Variants in TSEN2 observed in about 807,000 individuals in gnomAD.
TSEN2 encodes tRNA splicing endonuclease subunit 2.
Under a neutral mutation model 59.2 loss-of-function variants are expected in TSEN2, and 54 were observed. That is an observed-to-expected ratio of 0.91 (90% CI 0.73 to 1.14). TSEN2 has a LOEUF of 1.14. Among genes scored for constraint, TSEN2 ranks in the 50% most tolerant of loss-of-function variants. The probability of loss-of-function intolerance (pLI) is 0.00; values close to 1 mark genes in which losing one functional copy is unlikely to be tolerated. For missense variants in TSEN2, 636 were observed against 576.2 expected (o/e 1.10, Z -1.06); for synonymous variants, 195 against 198.2 (o/e 0.98, Z 0.14).
At chr3:12,497,818 A>G (rs6772384) in intron 4 of TSEN2, among the ~76,000 whole-genome samples, 3,958 of 152,200 alleles carry the variant, frequency 0.026, 177 homozygotes, top group African/African-American at 0.089. Flanking sequence ...AGTACCACAG[A>G]CTCAATGGCT....
intron 9 of TSEN2, among the ~76,000 whole-genome samples, 157 bp from the exon 10 acceptor site, chr3:12,529,604 AT>A (rs1243808436): frequency 1.3e-5 from 2 of 152,182 alleles, no homozygotes; most frequent in African/African-American, 4.8e-5. Flanking sequence ...TAAAGTATGA[AT>A]TTTTCATTAA....
intron 6 of TSEN2, among the ~76,000 whole-genome samples, chr3:12,514,372 C>A (rs1158392617): frequency 1.3e-5 from 2 of 152,138 alleles, no homozygotes. Context: ...ATTCTAAGGG[C>A]AGTGAAATCT....
intron 8 of TSEN2, among the ~76,000 whole-genome samples, chr3:12,522,430 G>T (rs1464247393): frequency 1.3e-5 from 2 of 152,148 alleles, no homozygotes; most frequent in Non-Finnish European, 2.9e-5. Context: ...CACAGAGTCA[G>T]ACTGGGCCAG....
downstream of TSEN2, among the ~76,000 whole-genome samples, chr3:12,537,207 G>A (rs2057692075): frequency 6.6e-6 from 1 of 152,046 alleles, no homozygotes; most frequent in Non-Finnish European, 1.5e-5. Flanking sequence ...GACCAGCCTG[G>A]GCAACATAGT....
intron 4 of TSEN2, among the ~76,000 whole-genome samples, chr3:12,501,487 A>G (rs78051926): frequency 0.025 from 3,736 of 152,346 alleles, 67 homozygotes; most frequent in South Asian, 0.06. Context: ...AACAGGGTAT[A>G]GACAGCTTTG....
intron 8 of TSEN2, among the ~76,000 whole-genome samples, chr3:12,519,913 G>A (rs1016391397): frequency 6.6e-6 from 1 of 152,124 alleles, no homozygotes; most frequent in Non-Finnish European, 1.5e-5. Context: ...TTGAGCACTT[G>A]CCATGTGCCA....
chr3:12,500,731 C>G lies in TSEN2; in HGVS notation c.309-2531C>G, dbSNP rs573897924. On this transcript the variant is annotated intron_variant, in intron 4 of 11. Coordinates refer to ENST00000284995, the MANE Select transcript of TSEN2 (RefSeq NM_025265.4). ...TCTTATTTAATTCTTGCTGCAACCC[C>G]AGGAGGTAGGTGCAGTTATCCCTGG... 9.2e-5 allele frequency among the ~76,000 whole-genome samples: 14 copies of G among 152,248 alleles called. No homozygotes were observed. The South Asian group carries it at 2.9e-3, about 32-fold the overall frequency.
intron 11 of TSEN2, among the ~76,000 whole-genome samples, chr3:12,532,004 C>T (rs1017046530): frequency 6.6e-6 from 1 of 152,186 alleles, no homozygotes; most frequent in Non-Finnish European, 1.5e-5. Flanking sequence ...CTTGTTCCTG[C>T]TTCTGGGCTT....
chr3:12,509,388 T>TG (rs1309213933), intron 6 of TSEN2, among the ~76,000 whole-genome samples: 6 of 152,042 alleles, frequency 3.9e-5, no homozygotes, highest in Admixed American at 1.3e-4. Flanking sequence ...TTAGTAGAGA[T>TG]GGAGTTTCGC....
chr3:12,528,551 T>C (rs299631), intron 8 of TSEN2, among the ~76,000 whole-genome samples: 147,910 of 152,260 alleles, frequency 0.97, 71,868 homozygotes, highest in Middle Eastern at 1. Flanking sequence ...GGGATGCTGT[T>C]GCTAAAAAAA....
At chr3:12,528,422 T>G (rs1173953683) in intron 8 of TSEN2, among the ~76,000 whole-genome samples, 2 of 152,192 alleles carry the variant, frequency 1.3e-5, no homozygotes, top group Non-Finnish European at 2.9e-5. Context: ...GTTTGGATTT[T>G]AAAAATAGAT....
intron 10 of TSEN2, 116 bp downstream of exon 10, chr3:12,529,989 C>T (rs2057360542): frequency 6.6e-7 from 1 of 1,506,658 alleles, no homozygotes; most frequent in African/African-American, 1.4e-5. Flanking sequence ...AACATTCCTG[C>T]CAGTGACATG....
intron 11 of TSEN2, 144 bp from the exon 12 acceptor site, chr3:12,532,518 C>A: frequency 1.3e-6 from 1 of 744,682 alleles, no homozygotes; most frequent in South Asian, 1.6e-5. Context: ...TCATTTTCTC[C>A]AGATGTTTCT....
At chr3:12,486,823 T>G (rs2052666918) in intron 1 of TSEN2, among the ~76,000 whole-genome samples, 4 of 152,214 alleles carry the variant, frequency 2.6e-5, no homozygotes, top group Non-Finnish European at 5.9e-5. Flanking sequence ...TGTGTCTGAC[T>G]TCTTTTAGCA....
chr3:12,530,192 G>A, intron 10 of TSEN2: 2 of 1,165,138 alleles, frequency 1.7e-6, no homozygotes, highest in East Asian at 9.1e-5. Flanking sequence ...TATGTGACTT[G>A]TTTTATACTG....
chr3:12,520,406 G>T (rs1483778741), intron 8 of TSEN2, among the ~76,000 whole-genome samples: 1 of 152,176 alleles, frequency 6.6e-6, no homozygotes, highest in Non-Finnish European at 1.5e-5. Context: ...GAATTCTGAA[G>T]CCCACGCTTT....
At chr3:12,480,915 C>G (rs182980600), upstream of TSEN2, among the ~76,000 whole-genome samples, 1 of 152,310 alleles carries the variant, frequency 6.6e-6, no homozygotes, top group East Asian at 1.9e-4. Context: ...TCCGTATCCT[C>G]ATCTGGCCTT....
In TSEN2 at chr3:12,503,437, G is replaced by A. The variant is rs766325429; in HGVS notation, c.484G>A (p.Glu162Lys). 2 of 1,614,238 alleles carry A rather than the reference G, an allele frequency of 1.2e-6. No homozygotes were observed. The highest frequency in any genetic ancestry group is 1.7e-6 in the Non-Finnish European group (2 of 1,180,052). The change falls in exon 5 of 12, where the codon GAA (glutamate) becomes AAA (lysine). Residue 162 changes from glutamate to lysine, a missense_variant. Transcript: ENST00000284995. The part of the protein sequence containing the change: ...KLNSGMVSNM[E>K]GTAGGERPSV... Reference sequence around the variant, plus strand: ...TAACTCTGGAATGGTTTCCAACATGGAAGGCACAGCAGGGGGAGAGAGACC... The same window carrying A: ...TAACTCTGGAATGGTTTCCAACATGAAAGGCACAGCAGGGGGAGAGAGACC...
intron 10 of TSEN2, 131 bp from the exon 11 acceptor site, chr3:12,531,439 A>AT (rs993299325): frequency 1.5e-6 from 1 of 657,118 alleles, no homozygotes; most frequent in African/African-American, 1.8e-5. Context: ...GAGGAAACTG[A>AT]TGTGCTCTGT....
Sources: gnomAD v4.1 joint callset for allele counts (sites outside exome capture counted in the v4.1 genomes callset) on GRCh38, gnomAD v4.1.1 for gene constraint, MANE v1.5 for transcripts, NCBI Gene and HGNC (gene_info 2026-07-23, HGNC 2026-07-21) for gene names.